The following OTUD1 variants were observed in gnomAD, a reference collection of about 807,000 sequenced individuals.
OTUD1 encodes OTU deubiquitinase 1.
OTUD1 carries 15 observed loss-of-function variants against 30.0 expected under a neutral mutation model. The observed-to-expected ratio is 0.50, with a 90% CI of 0.33 to 0.77. The LOEUF (loss-of-function observed/expected upper bound fraction) is 0.77. Among genes scored for constraint, OTUD1 ranks in the 30% least tolerant of loss-of-function variants. OTUD1 has a pLI of 0.02. For synonymous variants in OTUD1, 381 were observed against 326.3 expected (o/e 1.17, Z -1.81); for missense variants, 796 against 697.8 (o/e 1.14, Z -1.59).
Position 23,439,823 on chromosome 10 carries a change from C to T in OTUD1, c.366C>T (p.Asp122=). ...TCACCGTGCGGGCCCTGGGCGCCGACAGGCTCCTGCTGCACGGGCCCGATC... is the reference window on the plus strand; with the variant it reads ...TCACCGTGCGGGCCCTGGGCGCCGATAGGCTCCTGCTGCACGGGCCCGATC... ...AQITVRALGA[D]RLLLHGPDPV... Residue 122 remains aspartate, a synonymous_variant, in exon 1 of 1, where the codon GAC becomes GAT. Coordinates refer to ENST00000376495, the MANE Select transcript of OTUD1 (RefSeq NM_001145373.3). 1 of 1,121,096 alleles carries T rather than the reference C, an allele frequency of 8.9e-7. No individual in the cohort carries two copies. The allele number at this position is 1,121,096 out of a possible 1,614,324, so 69.4% of individuals were successfully genotyped here.
chr10:23,439,573 C>A lies in OTUD1; in HGVS notation c.116C>A (p.Pro39Gln). The A allele has an allele frequency of 1.5e-6, 2 of 1,373,222 alleles. No individual in the cohort carries two copies. The highest frequency in any genetic ancestry group is 1.9e-6 in the Non-Finnish European group (2 of 1,059,318). The allele number at this position is 1,373,222 out of a possible 1,614,324, so 85.1% of individuals were successfully genotyped here. A position where few individuals can be genotyped will look rare whatever the true frequency, so the allele number is the denominator to read the frequency against. Residue 39 changes from proline to glutamine, a missense_variant, in exon 1 of 1, where the codon CCG (proline) becomes CAG (glutamine). Transcript: ENST00000376495. ...CCCTTCAAGGTCTCGCTGCAGCCCC[C>A]GGGAGCCGCCGGCGCCGCGCCCGAG... is the stretch of plus-strand genomic sequence containing the variant. ...ATPFKVSLQPPGAAGAAPEPE... is the reference protein window; with the variant it reads ...ATPFKVSLQPQGAAGAAPEPE...
Position 23,442,211 on chromosome 10 carries a change from T to C in OTUD1, c.*1308T>C, listed in dbSNP as rs72771419. The C allele has an allele frequency of 5.7e-3, 959 of 167,222 alleles. 8 individuals carry two copies. Among genetic ancestry groups the C allele is most frequent in the Non-Finnish European group, 5.2e-3 (355 of 68,118 alleles). 10.4% of individuals were successfully genotyped at this position (167,222 alleles called of 1,614,324 possible). A position where few individuals can be genotyped will look rare whatever the true frequency, so the allele number is the denominator to read the frequency against. On this transcript the variant is annotated 3_prime_UTR_variant, in exon 1 of 1. Coordinates refer to ENST00000376495, the MANE Select transcript of OTUD1 (RefSeq NM_001145373.3). The stretch of plus-strand genomic sequence containing the variant: ...TTTGGATAGAGTGGTTTTTAAATTG[T>C]GATGTTTGTAGGAAACTTTCTTGCA...
rs544603351 is a variant in OTUD1 at position 23,439,090 on chromosome 10, G to C, written c.-368G>C. On this transcript the variant is annotated 5_prime_UTR_variant, in exon 1 of 1. Transcript: ENST00000376495. ...CCTCCCGGGCCTCCGCGCGCACCGCGCTCCTCCTCGCCGGCGGGACGCGCT... is the reference window on the plus strand; with the variant it reads ...CCTCCCGGGCCTCCGCGCGCACCGCCCTCCTCCTCGCCGGCGGGACGCGCT... Among the ~76,000 whole-genome samples, 2 of 150,536 alleles carry C rather than the reference G, an allele frequency of 1.3e-5. No homozygotes were observed. Among genetic ancestry groups the C allele is most frequent in the Non-Finnish European group, 3.0e-5 (2 of 67,398 alleles).
At position 23,439,528 on chromosome 10, in the gene OTUD1, C is replaced by A; in HGVS notation, c.71C>A (p.Ala24Glu). The change falls in exon 1 of 1, where the codon GCG becomes GAG. Residue 24 changes from alanine (A) to glutamate (E), a missense_variant. Transcript: ENST00000376495. ...CCGGGTCCCACGGCCGCCGCCCCCG[C>A]GCCACCCGCCGCCGCTACCCCCTTC... ...GAPGPTAAAP[A>E]PPAAATPFKV... 7.3e-7 allele frequency: 1 copy of A among 1,363,614 alleles called. No homozygotes were observed. Among genetic ancestry groups the A allele is most frequent in the South Asian group, 1.6e-5 (1 of 61,254 alleles). The allele number at this position is 1,363,614 out of a possible 1,614,324, so 84.5% of individuals were successfully genotyped here.
In OTUD1 at chr10:23,440,111, T is replaced by C. The variant is rs1414758981; in HGVS notation, c.654T>C (p.Asp218=). ...CCGCGGCGACCCCGGGGAGCCCCGA[T>C]CCCGGCCCCGGTCCGTGGGGCGAAG... is the stretch of plus-strand genomic sequence containing the variant. ...RGPAATPGSP[D]PGPGPWGEEH... is the part of the protein sequence containing the mutation. The change falls in exon 1 of 1, where the codon GAT becomes GAC. Residue 218 remains aspartate, a synonymous_variant. Coordinates refer to ENST00000376495, the MANE Select transcript of OTUD1 (RefSeq NM_001145373.3). 7.0e-6 allele frequency: 10 copies of C among 1,426,422 alleles called. No homozygotes were observed. The highest frequency in any genetic ancestry group is 2.5e-4 in the Middle Eastern group (1 of 4,020). 88.4% of individuals were successfully genotyped at this position (1,426,422 alleles called of 1,614,324 possible).
At position 23,439,251 on chromosome 10, in the gene OTUD1, C is replaced by T. The variant is rs1369438244; in HGVS notation, c.-207C>T. On this transcript the variant is annotated 5_prime_UTR_variant, in exon 1 of 1. Transcript: ENST00000376495. ...CGAGCTCGCGTCCCGTCCCCGCCCCCCTGCGCTGTGGCGCAGCAGGAATTT... is the reference window on the plus strand; with the variant it reads ...CGAGCTCGCGTCCCGTCCCCGCCCCTCTGCGCTGTGGCGCAGCAGGAATTT... Among the ~76,000 whole-genome samples, 10 of 151,594 alleles carry T rather than the reference C, an allele frequency of 6.6e-5. No homozygotes were observed. Among genetic ancestry groups the T allele is most frequent in the Admixed American group, 3.3e-4 (5 of 15,240 alleles).
Position 23,440,962 on chromosome 10 carries a change from T to C in OTUD1, c.*59T>C. The C allele has an allele frequency of 6.8e-7, 1 of 1,478,442 alleles. No homozygotes were observed. The highest frequency in any genetic ancestry group is 9.1e-7 in the Non-Finnish European group (1 of 1,103,260). The allele number at this position is 1,478,442 out of a possible 1,614,324, so 91.6% of individuals were successfully genotyped here. ...GCATATATAACTTGTGTTTGGAGAA[T>C]CACATGAACTTTAATCAGGGTAATA... On this transcript the variant is annotated 3_prime_UTR_variant, in exon 1 of 1. Coordinates refer to ENST00000376495, the MANE Select transcript of OTUD1 (RefSeq NM_001145373.3).
rs1185686174 is a variant in OTUD1, at chr10:23,439,559, C to T, written c.102C>T (p.Val34=). 3 of 1,385,678 alleles carry T rather than the reference C, an allele frequency of 2.2e-6. No individual in the cohort carries two copies. The Admixed American group carries it at 8.4e-5, about 39-fold the overall frequency. The allele number at this position is 1,385,678 out of a possible 1,614,324, so 85.8% of individuals were successfully genotyped here. A position where few individuals can be genotyped will look rare whatever the true frequency, so the allele number is the denominator to read the frequency against. Residue 34 remains valine, a synonymous_variant, in exon 1 of 1, where the codon GTC becomes GTT. Transcript: ENST00000376495. ...APPAAATPFK[V]SLQPPGAAGA... ...CCGCCGCCGCTACCCCCTTCAAGGT[C>T]TCGCTGCAGCCCCCGGGAGCCGCCG...
chr10:23,440,963 C>A lies in OTUD1; in HGVS notation c.*60C>A. 6.8e-7 allele frequency: 1 copy of A among 1,477,958 alleles called. No homozygotes were observed. Among genetic ancestry groups the A allele is most frequent in the South Asian group, 1.4e-5 (1 of 73,306 alleles). 91.6% of individuals were successfully genotyped at this position (1,477,958 alleles called of 1,614,324 possible). A position where few individuals can be genotyped will look rare whatever the true frequency, so the allele number is the denominator to read the frequency against. ...CATATATAACTTGTGTTTGGAGAAT[C>A]ACATGAACTTTAATCAGGGTAATAG... On this transcript the variant is annotated 3_prime_UTR_variant, in exon 1 of 1. Coordinates refer to ENST00000376495, the MANE Select transcript of OTUD1 (RefSeq NM_001145373.3).
rs545194969 is a variant in OTUD1 at position 23,440,268 on chromosome 10, C to T, written c.811C>T (p.Pro271Ser). ...CCCCGCCGGGAGCATCGAGGCCGCC[C>T]CGAGTAGTGCGGCGGAGCCGGTGAT... is the stretch of plus-strand genomic sequence containing the variant. ...APPAGSIEAA[P>S]SSAAEPVIVS... The change falls in exon 1 of 1, where the codon CCG (proline) becomes TCG (serine). Residue 271 changes from proline to serine, a missense_variant. Coordinates refer to ENST00000376495, the MANE Select transcript of OTUD1 (RefSeq NM_001145373.3). 100 of 1,548,926 alleles carry T rather than the reference C, an allele frequency of 6.5e-5. No homozygotes were observed. The South Asian group carries it at 1.1e-3, about 17-fold the overall frequency.
At position 23,439,970 on chromosome 10, in the gene OTUD1, G is replaced by C. The variant is rs1847109064; in HGVS notation, c.513G>C (p.Leu171=). 1 of 1,303,068 alleles carries C rather than the reference G, an allele frequency of 7.7e-7. No homozygotes were observed. Among genetic ancestry groups the C allele is most frequent in the South Asian group, 2.3e-5 (1 of 43,004 alleles). 80.7% of individuals were successfully genotyped at this position (1,303,068 alleles called of 1,614,324 possible). ...RGSSAWLLEE[L]LRPDCPEPAG... ...CCTCGGCCTGGCTCCTGGAGGAGCT[G>C]CTGCGGCCCGACTGCCCCGAGCCCG... Residue 171 remains leucine (L), a synonymous_variant, in exon 1 of 1, where the codon CTG becomes CTC. Coordinates refer to ENST00000376495, the MANE Select transcript of OTUD1 (RefSeq NM_001145373.3).
chr10:23,441,062 C>A lies in OTUD1; in HGVS notation c.*159C>A. 1 of 777,684 alleles carries A rather than the reference C, an allele frequency of 1.3e-6. No individual in the cohort carries two copies. The highest frequency in any genetic ancestry group is 2.0e-6 in the Non-Finnish European group (1 of 491,300). 48.2% of individuals were successfully genotyped at this position (777,684 alleles called of 1,614,324 possible). ...CATCTTTTTGAATGTTTTCTCAGAG[C>A]TGGAGGTTGCTGGGCACCTAAATGA... On this transcript the variant is annotated 3_prime_UTR_variant, in exon 1 of 1. Transcript: ENST00000376495.
chr10:23,440,853 A>G lies in OTUD1; in HGVS notation c.1396A>G (p.Met466Val), dbSNP rs1463655423. The change falls in exon 1 of 1, where the codon ATG (methionine) becomes GTG (valine). Residue 466 changes from methionine (M) to valine (V), a missense_variant. By Grantham distance (21) the Met-to-Val change is conservative (BLOSUM62 1). Coordinates refer to ENST00000376495, the MANE Select transcript of OTUD1 (RefSeq NM_001145373.3). The stretch of plus-strand genomic sequence containing the variant: ...ACGCGACGAAGAACTTGCCAAATCT[A>G]TGGCCATATCCTTGTCTAAAATGTA... ...RKRDEELAKS[M>V]AISLSKMYIE... is the part of the protein sequence containing the mutation. 9.0e-6 allele frequency: 14 copies of G among 1,551,848 alleles called. No individual in the cohort carries two copies. The highest frequency in any genetic ancestry group is 2.4e-5 in the South Asian group (2 of 84,066).
Position 23,440,913 on chromosome 10 carries a change from A to G in OTUD1, c.*10A>G, listed in dbSNP as rs534197129. 1.3e-5 allele frequency: 20 copies of G among 1,546,088 alleles called. No individual in the cohort carries two copies. In the East Asian group the frequency reaches 3.4e-4, roughly 26 times the overall value. On this transcript the variant is annotated 3_prime_UTR_variant, in exon 1 of 1. Coordinates refer to ENST00000376495, the MANE Select transcript of OTUD1 (RefSeq NM_001145373.3). The stretch of plus-strand genomic sequence containing the variant: ...AAATGCATGCTCTTGAAATGTCTCA[A>G]AACCTTACACCCTGGGAATAATTGC...
chr10:23,439,416 G>A lies in OTUD1; in HGVS notation c.-42G>A. 8.0e-7 allele frequency: 1 copy of A among 1,242,710 alleles called. No homozygotes were observed. The highest frequency in any genetic ancestry group is 1.0e-6 in the Non-Finnish European group (1 of 994,560). The allele number at this position is 1,242,710 out of a possible 1,614,324, so 77.0% of individuals were successfully genotyped here. On this transcript the variant is annotated 5_prime_UTR_variant, in exon 1 of 1. Transcript: ENST00000376495. ...CCCGGAGGGTGTGTCCCCCGCTCCG[G>A]GGCTCGCCGCGCCTATAAGGGGCCG... is the stretch of plus-strand genomic sequence containing the variant.
In OTUD1 at chr10:23,440,480, G is replaced by A. The variant is rs1263501003; in HGVS notation, c.1023G>A (p.Glu341=). The part of the protein sequence containing the change: ...GDQSLHRELR[E]QTVHYIADHL... ...AGAGCCTGCACCGGGAGTTGAGGGA[G>A]CAGACGGTGCACTACATCGCCGACC... The change falls in exon 1 of 1, where the codon GAG becomes GAA. Residue 341 remains glutamate (E), a synonymous_variant. Coordinates refer to ENST00000376495, the MANE Select transcript of OTUD1 (RefSeq NM_001145373.3). 2.6e-6 allele frequency: 4 copies of A among 1,551,742 alleles called. No individual in the cohort carries two copies. Among genetic ancestry groups the A allele is most frequent in the South Asian group, 1.2e-5 (1 of 84,068 alleles).
chr10:23,439,873 C>T lies in OTUD1; in HGVS notation c.416C>T (p.Ala139Val), dbSNP rs999637611. ...CCCGTTCCCGGCGCCGCGGGCTCCG[C>T]CGCTGCCCCGCGCGGCCGCTGCCTC... Reference protein sequence around the residue: ...PDPVPGAAGSAAAPRGRCLLL... With the variant: ...PDPVPGAAGSVAAPRGRCLLL... The change falls in exon 1 of 1, where the codon GCC (alanine) becomes GTC (valine). Residue 139 changes from alanine (A) to valine (V), a missense_variant. By Grantham distance (64) the Ala-to-Val change is moderately conservative (BLOSUM62 0). Coordinates refer to ENST00000376495, the MANE Select transcript of OTUD1 (RefSeq NM_001145373.3). The T allele has an allele frequency of 1.8e-6, 2 of 1,141,068 alleles. No individual in the cohort carries two copies. The highest frequency in any genetic ancestry group is 4.7e-5 in the Admixed American group (1 of 21,058). The allele number at this position is 1,141,068 out of a possible 1,614,324, so 70.7% of individuals were successfully genotyped here. A position where few individuals can be genotyped will look rare whatever the true frequency, so the allele number is the denominator to read the frequency against.
chr10:23,440,477 G>C lies in OTUD1; in HGVS notation c.1020G>C (p.Arg340Ser). ...YGDQSLHRELREQTVHYIADH... is the reference protein window; with the variant it reads ...YGDQSLHRELSEQTVHYIADH... ...ACCAGAGCCTGCACCGGGAGTTGAG[G>C]GAGCAGACGGTGCACTACATCGCCG... Residue 340 changes from arginine (R) to serine (S), a missense_variant, in exon 1 of 1, where the codon AGG (arginine) becomes AGC (serine). Physicochemically the swap from Arg to Ser is moderately radical, Grantham distance 110. Transcript: ENST00000376495. 3 of 1,551,750 alleles carry C rather than the reference G, an allele frequency of 1.9e-6. No homozygotes were observed. The highest frequency in any genetic ancestry group is 2.6e-6 in the Non-Finnish European group (3 of 1,147,016).
Position 23,439,500 on chromosome 10 carries a change from G to A in OTUD1, c.43G>A (p.Ala15Thr), listed in dbSNP as rs1564550926. ...CGTCTGCACCCACTACCCCGCCGGG[G>A]CCCCGGGTCCCACGGCCGCCGCCCC... ...SSVCTHYPAGAPGPTAAAPAP... is the reference protein window; with the variant it reads ...SSVCTHYPAGTPGPTAAAPAP... Residue 15 changes from alanine (A) to threonine (T), a missense_variant, in exon 1 of 1, where the codon GCC becomes ACC. Physicochemically the swap from Ala to Thr is moderately conservative, Grantham distance 58. Coordinates refer to ENST00000376495, the MANE Select transcript of OTUD1 (RefSeq NM_001145373.3). 4 of 1,370,680 alleles carry A rather than the reference G, an allele frequency of 2.9e-6. No individual in the cohort carries two copies. The highest frequency in any genetic ancestry group is 3.2e-5 in the South Asian group (2 of 62,424). The allele number at this position is 1,370,680 out of a possible 1,614,324, so 84.9% of individuals were successfully genotyped here.
Sources: gnomAD v4.1 joint callset for allele counts (sites outside exome capture counted in the v4.1 genomes callset) on GRCh38, gnomAD v4.1.1 for gene constraint, MANE v1.5 for transcripts, NCBI Gene and HGNC (gene_info 2026-07-23, HGNC 2026-07-21) for gene names.